Variants in WEE2 observed in about 807,000 individuals in gnomAD.
WEE2 encodes the protein wee1-like protein kinase 2.
In WEE2, 50 loss-of-function variants were observed where a neutral mutation model predicts 60.1. The ratio of observed to expected loss-of-function variants is 0.83; its 90% confidence interval spans 0.66 to 1.05. The LOEUF is 1.05. Among genes scored for constraint, WEE2 ranks in the 50% least tolerant of loss-of-function variants. The pLI, the probability that WEE2 is intolerant of heterozygous loss-of-function variation, is 0.00. For missense variants in WEE2, 631 were observed against 684.3 expected (o/e 0.92, Z 0.87); for synonymous variants, 240 against 241.0 (o/e 1.00, Z 0.04).
rs372007425 is a variant in WEE2, at chr7:141,730,248, T to C, written c.1679-47T>C. On this transcript the variant is annotated intron_variant, in intron 11 of 11. Coordinates refer to ENST00000397541, the MANE Select transcript of WEE2 (RefSeq NM_001105558.1). The stretch of plus-strand genomic sequence containing the variant: ...CTCTTCTCTATTGTTATATTCCTAA[T>C]GCCACTGATCAATAACTTATTTACT... 77 of 1,593,060 alleles carry C rather than the reference T, an allele frequency of 4.8e-5. No homozygotes were observed. In the African/African-American group the frequency reaches 9.5e-4, roughly 20 times the overall value.
At chr7:141,729,912 CG>C (rs1413659727) in intron 11 of WEE2, among the ~76,000 whole-genome samples, 2 of 150,442 alleles carry the variant, frequency 1.3e-5, no homozygotes, top group Middle Eastern at 3.2e-3. Context: ...CGCTTGAACC[CG>C]GGAGGTGGAG....
Position 141,711,731 on chromosome 7 carries a change from T to C in WEE2, c.343-2478T>C, listed in dbSNP as rs1198824592. The C allele has an allele frequency of 6.6e-6, 1 of 152,254 alleles. No homozygotes were observed. Among genetic ancestry groups the C allele is most frequent in the Non-Finnish European group, 1.5e-5 (1 of 68,066 alleles). The allele number at this position is 152,254 out of a possible 1,614,324, so 9.4% of individuals were successfully genotyped here. A position where few individuals can be genotyped will look rare whatever the true frequency, so the allele number is the denominator to read the frequency against. ...GGAATACCTGAGACTGGGTAAATTATAAAGAAAAGAGGTTTATTTGGCTTA... is the reference window on the plus strand; with the variant it reads ...GGAATACCTGAGACTGGGTAAATTACAAAGAAAAGAGGTTTATTTGGCTTA... On this transcript the variant is annotated intron_variant, in intron 1 of 11. Transcript: ENST00000397541. The surrounding 1 kb of genome is among the most constrained non-coding windows in gnomAD (Gnocchi z 4.2).
chr7:141,716,194 T>A, intron 2 of WEE2, 28 bp from the exon 3 acceptor site: 1 of 1,596,820 alleles, frequency 6.3e-7, no homozygotes. Flanking sequence ...TAATTATATA[T>A]TGATAAACTT....
rs1283313201 is a variant in WEE2 at position 141,720,967 on chromosome 7, C to T, written c.791C>T (p.Ala264Val). ...NSALHEVYAH[A>V]VLGHHPHVVR... is the part of the protein sequence containing the mutation. ...GCTTTGCATGAAGTTTATGCTCACG[C>T]AGTGCTTGGGCATCACCCCCATGTG... Residue 264 changes from alanine (A) to valine (V), a missense_variant, in exon 5 of 12, where the codon GCA becomes GTA. Ala to Val is a moderately conservative substitution (Grantham distance 64). Coordinates refer to ENST00000397541, the MANE Select transcript of WEE2 (RefSeq NM_001105558.1). 5 of 1,614,114 alleles carry T rather than the reference C, an allele frequency of 3.1e-6. No homozygotes were observed. The highest frequency in any genetic ancestry group is 4.2e-6 in the Non-Finnish European group (5 of 1,179,946).
intron 1 of WEE2, among the ~76,000 whole-genome samples, chr7:141,713,833 A>C (rs1798747543): frequency 6.6e-6 from 1 of 152,202 alleles, no homozygotes; most frequent in Admixed American, 6.5e-5. Context: ...ATTGAGGGGA[A>C]GTTAAAGCAT....
rs759342052 is a variant in WEE2 at position 141,721,070 on chromosome 7, A to G, written c.880+14A>G. ...AATACTGCAATGGTAAGTAGTATATAGATGAATAACTACGAAGAGGGAGAT... is the reference window on the plus strand; with the variant it reads ...AATACTGCAATGGTAAGTAGTATATGGATGAATAACTACGAAGAGGGAGAT... On this transcript the variant is annotated intron_variant, in intron 5 of 11. Coordinates refer to ENST00000397541, the MANE Select transcript of WEE2 (RefSeq NM_001105558.1). The G allele has an allele frequency of 5.0e-6, 8 of 1,613,390 alleles. No homozygotes were observed. In the East Asian group the frequency reaches 6.7e-5, roughly 13 times the overall value.
At chr7:141,727,612 C>CATCG in intron 10 of WEE2, 166 bp downstream of exon 10, 2 of 838,854 alleles carry the variant, frequency 2.4e-6, no homozygotes, top group Non-Finnish European at 3.5e-6. Flanking sequence ...CTCTTTGTAG[C>CATCG]ATCGGGCTGG....
intron 1 of WEE2, among the ~76,000 whole-genome samples, chr7:141,710,177 T>C (rs1798688835): frequency 6.6e-6 from 1 of 152,222 alleles, no homozygotes; most frequent in Non-Finnish European, 1.5e-5. Context: ...GTAAGGAGCA[T>C]ATAATACAGT....
intron 1 of WEE2, among the ~76,000 whole-genome samples, chr7:141,713,075 T>C (rs906331360): frequency 2.0e-5 from 3 of 152,182 alleles, no homozygotes; most frequent in Non-Finnish European, 2.9e-5. Flanking sequence ...GACGTCATTT[T>C]TCTTCACTTA....
intron 10 of WEE2, among the ~76,000 whole-genome samples, chr7:141,729,023 T>C (rs1799075425): frequency 6.6e-6 from 1 of 152,220 alleles, no homozygotes; most frequent in African/African-American, 2.4e-5. Context: ...AGACCAAGTG[T>C]TGGAAAACTT....
intron 6 of WEE2, 169 bp from the exon 7 acceptor site, chr7:141,723,772 A>G (rs1292329831): frequency 3.7e-6 from 2 of 542,574 alleles, no homozygotes; most frequent in Admixed American, 7.3e-5. Flanking sequence ...ATCAATCACT[A>G]GCTGTTCAGA....
At chr7:141,717,129 C>T (rs774328143) in intron 3 of WEE2, among the ~76,000 whole-genome samples, 6 of 152,130 alleles carry the variant, frequency 3.9e-5, no homozygotes, top group East Asian at 1.9e-4. Flanking sequence ...AAATTTTATA[C>T]GCTGAATGAC....
At chr7:141,723,411 G>T in intron 6 of WEE2, 131 bp downstream of exon 6, 1 of 1,019,882 alleles carries the variant, frequency 9.8e-7, no homozygotes, top group South Asian at 1.8e-5. Context: ...TTCCATTTGT[G>T]TTCCTTAAAA....
chr7:141,708,768 A>G lies in WEE2; in HGVS notation c.10A>G (p.Lys4Glu), dbSNP rs1178113945. The change falls in exon 1 of 12, where the codon AAA becomes GAA. Residue 4 changes from lysine to glutamate, a missense_variant. By Grantham distance (56) the Lys-to-Glu change is moderately conservative. Transcript: ENST00000397541. The part of the protein sequence containing the change: MDD[K>E]DIDKELRQKL... ...AAGCTCTTTGGCTGAGATGGATGAC[A>G]AAGATATTGACAAAGAACTAAGGCA... 2 of 1,613,260 alleles carry G rather than the reference A, an allele frequency of 1.2e-6. No individual in the cohort carries two copies. Among genetic ancestry groups the G allele is most frequent in the Non-Finnish European group, 8.5e-7 (1 of 1,179,466 alleles).
At chr7:141,726,613 G>A (rs1008833785) in intron 9 of WEE2, among the ~76,000 whole-genome samples, 9 of 151,970 alleles carry the variant, frequency 5.9e-5, no homozygotes, top group Non-Finnish European at 7.4e-5. Flanking sequence ...CTAAATGCTG[G>A]CCCTGTACTA....
intron 4 of WEE2, 49 bp downstream of exon 4, chr7:141,719,293 T>A: frequency 6.7e-7 from 1 of 1,491,994 alleles, no homozygotes; most frequent in Non-Finnish European, 9.1e-7. Context: ...ATTTGGAGAG[T>A]TGTTTCTTGT....
chr7:141,723,178 AATC>A lies in WEE2; in HGVS notation c.928_930del (p.His310del), dbSNP rs1196755034. On this transcript the variant is annotated inframe_deletion, in exon 6 of 12. Coordinates refer to ENST00000397541, the MANE Select transcript of WEE2 (RefSeq NM_001105558.1). ...TATATCTGAAAACACTAAGTCTGGC[AATC>A]ATTTTGAAGAGCCAAAACTCAAGGA... is the stretch of plus-strand genomic sequence containing the variant. The A allele has an allele frequency of 1.2e-6, 2 of 1,614,218 alleles. No homozygotes were observed. The highest frequency in any genetic ancestry group is 1.6e-4 in the Middle Eastern group (1 of 6,062).
intron 2 of WEE2, among the ~76,000 whole-genome samples, chr7:141,715,606 G>A (rs1798780903): frequency 6.6e-6 from 1 of 152,104 alleles, no homozygotes; most frequent in Non-Finnish European, 1.5e-5. Context: ...TTAGCTTATC[G>A]AAGAGTAATT....
chr7:141,719,914 G>A (rs1798876368), intron 4 of WEE2, among the ~76,000 whole-genome samples: 1 of 152,110 alleles, frequency 6.6e-6, no homozygotes, highest in East Asian at 1.9e-4. Flanking sequence ...TAAAGTCACT[G>A]GTTTATCTTT....
Sources: allele counts gnomAD v4.1 joint callset (sites outside exome capture counted in the v4.1 genomes callset), GRCh38; gene constraint gnomAD v4.1.1; non-coding constraint Gnocchi (gnomAD v3.1); transcripts MANE v1.5; gene names NCBI Gene and HGNC (gene_info 2026-07-23, HGNC 2026-07-21).